RIMBP2: variants seen among roughly 807,000 people sequenced by gnomAD.
The protein encoded by RIMBP2 is RIMS binding protein 2.
A neutral mutation model predicts 118.6 loss-of-function variants in RIMBP2; 48 were observed. That is an observed-to-expected ratio of 0.40 (90% CI 0.32 to 0.51). RIMBP2 has a LOEUF of 0.51. RIMBP2 is among the 20% of genes least tolerant of loss of function. The pLI is 0.41. For synonymous variants in RIMBP2, 762 were observed against 742.9 expected (o/e 1.03, Z -0.42); for missense variants, 1,551 against 1,768.3 (o/e 0.88, Z 2.20).
intron 1 of RIMBP2, among the ~76,000 whole-genome samples, chr12:130,629,494 T>C (rs1221683179): frequency 6.6e-6 from 1 of 152,170 alleles, no homozygotes; most frequent in Non-Finnish European, 1.5e-5. Flanking sequence ...GAAACACATC[T>C]AGGCAGGAGA....
chr12:130,638,627 G>A lies in RIMBP2; in HGVS notation c.-351-10171C>T, dbSNP rs768121346. Among the ~76,000 whole-genome samples, 21 of 152,288 alleles carry A rather than the reference G, an allele frequency of 1.4e-4. 1 individual carries two copies. The highest frequency in any genetic ancestry group is 3.4e-3 in the Middle Eastern group (1 of 294). On this transcript the variant is annotated intron_variant, in intron 1 of 22. Transcript: ENST00000690449. ...TGCTCCTTATGAGTATCTAATGCCT[G>A]ATGATCTGAGGTTTCATCCTGAAAC...
chr12:130,664,967 G>T (rs2063855208), intron 1 of RIMBP2, among the ~76,000 whole-genome samples: 1 of 151,652 alleles, frequency 6.6e-6, no homozygotes, highest in African/African-American at 2.4e-5. Flanking sequence ...AACCGGAACA[G>T]CGAGCTGTCT....
intron 4 of RIMBP2, among the ~76,000 whole-genome samples, chr12:130,486,013 GT>G (rs1415032427): frequency 6.6e-6 from 1 of 152,174 alleles, no homozygotes; most frequent in Non-Finnish European, 1.5e-5. Flanking sequence ...GCTGGGGCTT[GT>G]TTTGGCTTCA....
intron 2 of RIMBP2, among the ~76,000 whole-genome samples, chr12:130,527,929 A>T (rs2139267957): frequency 6.6e-6 from 1 of 152,310 alleles, no homozygotes; most frequent in East Asian, 1.9e-4. Flanking sequence ...ATTACTAAAA[A>T]GTCAGTCAAG....
At chr12:130,512,205 C>T (rs755098360) in intron 3 of RIMBP2, among the ~76,000 whole-genome samples, 1 of 152,160 alleles carries the variant, frequency 6.6e-6, no homozygotes, top group Non-Finnish European at 1.5e-5. Context: ...CAGCCCAGCT[C>T]GTGCCAGGGA....
intron 1 of RIMBP2, among the ~76,000 whole-genome samples, chr12:130,643,945 A>C (rs2141042613): frequency 6.6e-6 from 1 of 152,300 alleles, no homozygotes; most frequent in East Asian, 1.9e-4. Flanking sequence ...CTCTGAGCAA[A>C]GCCTAGAGCA....
intron 4 of RIMBP2, among the ~76,000 whole-genome samples, chr12:130,491,491 G>A (rs1054391711): frequency 7.9e-5 from 12 of 152,160 alleles, no homozygotes; most frequent in Admixed American, 6.5e-4. Context: ...AAGTCACTCC[G>A]CCTCCTTCCT....
At chr12:130,480,147 G>C (rs896782754) in intron 4 of RIMBP2, among the ~76,000 whole-genome samples, 11 of 151,616 alleles carry the variant, frequency 7.3e-5, no homozygotes, top group Non-Finnish European at 1.5e-4. Flanking sequence ...ACTCCTGGGG[G>C]CTTGGAAAAC....
chr12:130,472,296 G>A (rs1317546436), intron 5 of RIMBP2: 1 of 152,212 alleles, frequency 6.6e-6, no homozygotes, highest in Non-Finnish European at 1.5e-5. Context: ...GAAAGCATGG[G>A]ACACTTCCTA....
At chr12:130,459,759 G>A (rs1403640147) in intron 6 of RIMBP2, among the ~76,000 whole-genome samples, 1 of 151,930 alleles carries the variant, frequency 6.6e-6, no homozygotes, top group Non-Finnish European at 1.5e-5. Context: ...TGGTTCCATG[G>A]GACTCCCAGA....
At chr12:130,403,104 G>A (rs78356327) in intron 21 of RIMBP2, among the ~76,000 whole-genome samples, 6,909 of 152,238 alleles carry the variant, frequency 0.045, 223 homozygotes, top group Middle Eastern at 0.086. Flanking sequence ...TATTAGGACC[G>A]GTGGAGTATT....
intron 17 of RIMBP2, among the ~76,000 whole-genome samples, chr12:130,421,279 T>C (rs1208043542): frequency 6.6e-6 from 1 of 152,234 alleles, no homozygotes; most frequent in East Asian, 1.9e-4. Context: ...CTGTAATAAG[T>C]GCCATCAATG....
At chr12:130,627,726 G>A (rs575370791) in intron 2 of RIMBP2, among the ~76,000 whole-genome samples, 6 of 152,224 alleles carry the variant, frequency 3.9e-5, no homozygotes, top group African/African-American at 4.8e-5. Context: ...CTCCCTCTCA[G>A]CCCAGTCTAT....
intron 2 of RIMBP2, among the ~76,000 whole-genome samples, chr12:130,613,697 C>T (rs1566368655): frequency 6.6e-6 from 1 of 151,702 alleles, no homozygotes; most frequent in Non-Finnish European, 1.5e-5. Flanking sequence ...GCCTGTGATC[C>T]CAGCTACTCA....
intron 2 of RIMBP2, among the ~76,000 whole-genome samples, chr12:130,600,304 T>C (rs1450265385): frequency 6.6e-6 from 1 of 152,138 alleles, no homozygotes; most frequent in Non-Finnish European, 1.5e-5. Flanking sequence ...AGCATGACCA[T>C]ACAACACAAA....
intron 2 of RIMBP2, among the ~76,000 whole-genome samples, chr12:130,560,607 G>A (rs1272036680): frequency 3.3e-5 from 5 of 152,210 alleles, no homozygotes; most frequent in Non-Finnish European, 2.9e-5. Context: ...ACACAGCAAC[G>A]CTGACTCCTC....
chr12:130,699,959 A>G (rs1227216406), intron 1 of RIMBP2, among the ~76,000 whole-genome samples: 3 of 151,180 alleles, frequency 2.0e-5, no homozygotes, highest in African/African-American at 4.9e-5. Flanking sequence ...AAAATATCCC[A>G]ATTTTTAAAA....
At chr12:130,660,498 G>GA in intron 1 of RIMBP2, 1 of 152,202 alleles carries the variant, frequency 6.6e-6, no homozygotes, top group Non-Finnish European at 1.5e-5. Context: ...GGCATGGCCT[G>GA]AAATGGGGTC....
chr12:130,414,288 C>T lies in RIMBP2; in HGVS notation c.3257G>A (p.Arg1086His), dbSNP rs1020820815. The T allele has an allele frequency of 7.5e-6, 12 of 1,596,420 alleles. No individual in the cohort carries two copies. The highest frequency in any genetic ancestry group is 1.7e-5 in the Admixed American group (1 of 58,262). Residue 1086 changes from arginine to histidine, a missense_variant, in exon 18 of 23, where the codon CGC becomes CAC. Around this residue, in one of 5 missense-constraint regions of RIMBP2, gnomAD observed 1,038 missense variants for 1,125.1 expected, o/e 0.92. Coordinates refer to ENST00000690449, the MANE Select transcript of RIMBP2 (RefSeq NM_001393629.1). ...VPSIDDYGRD[R>H]LSPDFYEESE... is the part of the protein sequence containing the mutation. ...CTCTTCATAGAAGTCTGGAGAAAGGCGGTCTCGCCCGTAATCGTCTGCGAG... is the reference window on the plus strand; with the variant it reads ...CTCTTCATAGAAGTCTGGAGAAAGGTGGTCTCGCCCGTAATCGTCTGCGAG...
Sources: gnomAD v4.1 joint callset for allele counts (sites outside exome capture counted in the v4.1 genomes callset) on GRCh38, gnomAD v4.1.1 for gene constraint, gnomAD v4.1.1 regional missense constraint, MANE v1.5 for transcripts, NCBI Gene and HGNC (gene_info 2026-07-23, HGNC 2026-07-21) for gene names.